The following MAP4K3 variants were observed in gnomAD, a reference collection of about 807,000 sequenced individuals.
The protein encoded by MAP4K3 is mitogen-activated protein kinase kinase kinase kinase 3.
A neutral mutation model predicts 143.5 loss-of-function variants in MAP4K3; 94 were observed. The ratio of observed to expected loss-of-function variants is 0.65; its 90% CI spans 0.55 to 0.78. The LOEUF is 0.78. Among genes scored for constraint, MAP4K3 ranks in the 30% least tolerant of loss-of-function variants. The pLI is 0.00. For synonymous variants in MAP4K3, 416 were observed against 347.2 expected (o/e 1.20, Z -2.20); for missense variants, 1,077 against 1,068.1 (o/e 1.01, Z -0.12).
chr2:39,313,877 T>C (rs1265064265), intron 13 of MAP4K3, among the ~76,000 whole-genome samples: 1 of 152,218 alleles, frequency 6.6e-6, no homozygotes, highest in Non-Finnish European at 1.5e-5. Flanking sequence ...ATCACTGATA[T>C]GTTACCACAG....
rs140640465 is a variant in MAP4K3, at chr2:39,355,507, G to A, written c.245+742C>T. Among the ~76,000 whole-genome samples the A allele has an allele frequency of 7.3e-3, 1,113 of 151,852 alleles. 12 individuals carry two copies. The highest frequency in any genetic ancestry group is 0.025 in the African/African-American group (1,046 of 41,386). On this transcript the variant is annotated intron_variant, in intron 3 of 33. Coordinates refer to ENST00000263881, the MANE Select transcript of MAP4K3 (RefSeq NM_003618.4). ...TGATCACACCACAGCACTCCAGCCC[G>A]GGTGACAGAGTGAGACTCTGTCCCG...
rs79479142 is a variant in MAP4K3 at position 39,285,985 on chromosome 2, T to C, written c.1587+867A>G. 1.7e-3 allele frequency among the ~76,000 whole-genome samples: 261 copies of C among 152,356 alleles called. 7 individuals carry two copies. In the East Asian group the frequency reaches 0.024, roughly 14 times the overall value. ...CTGATGTTTTAGCTAACATTTGTGA[T>C]AGGAGTAGCTGCTAAGACTAATTTC... On this transcript the variant is annotated intron_variant, in intron 21 of 33. Transcript: ENST00000263881.
chr2:39,338,643 T>C (rs545520991), intron 4 of MAP4K3, among the ~76,000 whole-genome samples: 15 of 152,350 alleles, frequency 9.8e-5, no homozygotes, highest in African/African-American at 3.4e-4. Context: ...ATATTTCCTG[T>C]GTATGCATCT....
intron 1 of MAP4K3, among the ~76,000 whole-genome samples, chr2:39,389,885 A>G (rs1666606361): frequency 6.6e-6 from 1 of 152,192 alleles, no homozygotes; most frequent in Admixed American, 6.5e-5. Flanking sequence ...AAAAAACAAT[A>G]ATGTCTATGC....
At chr2:39,404,557 C>A (rs1667039880) in intron 1 of MAP4K3, among the ~76,000 whole-genome samples, 1 of 151,286 alleles carries the variant, frequency 6.6e-6, no homozygotes, top group Admixed American at 6.6e-5. Flanking sequence ...CCAGCTCAGC[C>A]ACAGTAAAAT....
At chr2:39,292,849 T>C (rs761738931) in intron 17 of MAP4K3, 23 bp from the exon 18 acceptor site, 4 of 1,595,426 alleles carry the variant, frequency 2.5e-6, no homozygotes, top group Non-Finnish European at 3.4e-6. Context: ...GATAATGTCA[T>C]TGTTATTAAA....
At chr2:39,364,865 CAAA>C (rs70957105) in intron 2 of MAP4K3, among the ~76,000 whole-genome samples, 1 of 114,744 alleles carries the variant, frequency 8.7e-6, no homozygotes, top group Non-Finnish European at 1.7e-5. Context: ...AACTCTGTCT[CAAA>C]AAAAAAAAAA....
At chr2:39,301,514 C>A (rs1389856438) in intron 15 of MAP4K3, among the ~76,000 whole-genome samples, 1 of 152,150 alleles carries the variant, frequency 6.6e-6, no homozygotes, top group African/African-American at 2.4e-5. Flanking sequence ...CTCTATCAGA[C>A]CAGCTATATC....
At chr2:39,324,268 A>G (rs1683414102) in intron 12 of MAP4K3, among the ~76,000 whole-genome samples, 1 of 151,942 alleles carries the variant, frequency 6.6e-6, no homozygotes, top group Non-Finnish European at 1.5e-5. Context: ...TTAGCTGGGC[A>G]TGGTGGTGGG....
chr2:39,371,389 C>A (rs190920993), intron 2 of MAP4K3, among the ~76,000 whole-genome samples: 3 of 152,218 alleles, frequency 2.0e-5, no homozygotes, highest in Admixed American at 1.3e-4. Context: ...TGAAGCTCTG[C>A]CATCTGGGAT....
intron 1 of MAP4K3, among the ~76,000 whole-genome samples, chr2:39,411,553 T>C (rs896830930): frequency 2.6e-5 from 4 of 152,208 alleles, no homozygotes; most frequent in Non-Finnish European, 5.9e-5. Flanking sequence ...TGCTAGACGA[T>C]TAAACTACAA....
chr2:39,333,013 A>AT (rs1388816661), intron 7 of MAP4K3, among the ~76,000 whole-genome samples: 2 of 152,246 alleles, frequency 1.3e-5, no homozygotes, highest in African/African-American at 2.4e-5. Flanking sequence ...AAATTAAGTC[A>AT]TTATTTAGGT....
chr2:39,337,041 T>C (rs1452698928), intron 5 of MAP4K3, 74 bp from the exon 6 acceptor site: 1 of 701,898 alleles, frequency 1.4e-6, no homozygotes, highest in Admixed American at 2.6e-5. Flanking sequence ...TGTAATCAAA[T>C]GGGTAGTATT....
chr2:39,407,812 G>A (rs192506692), intron 1 of MAP4K3, among the ~76,000 whole-genome samples: 8 of 152,276 alleles, frequency 5.3e-5, no homozygotes, highest in Middle Eastern at 3.4e-3. Context: ...CTGGGCTCAC[G>A]TGACCCTCCC....
chr2:39,436,807 G>C (rs1288869050), intron 1 of MAP4K3, 85 bp downstream of exon 1: 2 of 1,183,670 alleles, frequency 1.7e-6, no homozygotes, highest in African/African-American at 3.1e-5. Flanking sequence ...CGTCTCCCGA[G>C]GACAGGCGGC....
chr2:39,315,520 T>A (rs1192252514), intron 12 of MAP4K3, 132 bp from the exon 13 acceptor site: 2 of 534,238 alleles, frequency 3.7e-6, no homozygotes, highest in African/African-American at 4.7e-5. Flanking sequence ...TTTGCAAATT[T>A]TTTTTTTTTA....
chr2:39,278,821 A>T (rs1681386873), intron 23 of MAP4K3, among the ~76,000 whole-genome samples: 1 of 152,186 alleles, frequency 6.6e-6, no homozygotes, highest in Non-Finnish European at 1.5e-5. Context: ...TGTGCAACTG[A>T]CATACAGAAT....
intron 4 of MAP4K3, among the ~76,000 whole-genome samples, chr2:39,341,095 TAA>T (rs772802014): frequency 6.6e-6 from 1 of 151,838 alleles, no homozygotes; most frequent in East Asian, 1.9e-4. Context: ...GCAGAAAAAG[TAA>T]AAATAAACCC....
intron 8 of MAP4K3, among the ~76,000 whole-genome samples, chr2:39,328,290 G>A (rs111602202): frequency 1.8e-3 from 268 of 152,208 alleles, no homozygotes; most frequent in African/African-American, 6.2e-3. Flanking sequence ...GAGATCACAC[G>A]ACTGCACTTC....
Sources: gnomAD v4.1 joint callset for allele counts (sites outside exome capture counted in the v4.1 genomes callset) on GRCh38, gnomAD v4.1.1 for gene constraint, MANE v1.5 for transcripts, NCBI Gene and HGNC (gene_info 2026-07-23, HGNC 2026-07-21) for gene names.